Variants in DNAI4 observed in about 807,000 individuals in gnomAD.
DNAI4 encodes the protein WD repeat domain 78.
In DNAI4, 85 loss-of-function variants were observed where a neutral mutation model predicts 105.8. The observed-to-expected ratio is 0.80, with a 90% confidence interval of 0.67 to 0.96. The LOEUF is 0.96. Among genes scored for constraint, DNAI4 ranks in the 40% least tolerant of loss-of-function variants. The pLI is 0.00. For synonymous variants in DNAI4, 352 were observed against 331.5 expected, an observed-to-expected ratio of 1.06 and a Z score of -0.67; for missense variants, 1,014 against 1,005.6, an observed-to-expected ratio of 1.01 and a Z score of -0.11.
At chr1:66,900,398 G>A (rs1368000082) in intron 2 of DNAI4, among the ~76,000 whole-genome samples, 1 of 152,096 alleles carries the variant, frequency 6.6e-6, no homozygotes, top group Non-Finnish European at 1.5e-5. Flanking sequence ...ACCGCGCCTG[G>A]CCCCATATGA....
intron 13 of DNAI4, among the ~76,000 whole-genome samples, chr1:66,830,504 C>A (rs938389555): frequency 6.6e-6 from 1 of 151,682 alleles, no homozygotes; most frequent in Non-Finnish European, 1.5e-5. Flanking sequence ...AGGCCAGGCG[C>A]GGTGGCCGAA....
Position 66,837,750 on chromosome 1 carries a change from T to C in DNAI4, c.1541A>G (p.Lys514Arg). Residue 514 changes from lysine (K) to arginine (R), a missense_variant, in exon 10 of 17, where the codon AAA becomes AGA. Physicochemically the swap from Lys to Arg is conservative, Grantham distance 26. Coordinates refer to ENST00000371026, the MANE Select transcript of DNAI4 (RefSeq NM_024763.5). ...TGACCAGCAGCAAGCCAGTCCTCTT[T>C]TTTGCTCTTTAAATCCAAAGTGCCC... ...GYGHFGFKEQKRGLACCWSIK... is the reference protein window; with the variant it reads ...GYGHFGFKEQRRGLACCWSIK... 1 of 1,610,002 alleles carries C rather than the reference T, an allele frequency of 6.2e-7. No homozygotes were observed. The highest frequency in any genetic ancestry group is 8.5e-7 in the Non-Finnish European group (1 of 1,178,610).
At chr1:66,820,880 C>T (rs977404448) in intron 16 of DNAI4, among the ~76,000 whole-genome samples, 1 of 151,938 alleles carries the variant, frequency 6.6e-6, no homozygotes, top group Admixed American at 6.6e-5. Flanking sequence ...TACATGTGAC[C>T]CAGATCTAAT....
chr1:66,923,357 A>G (rs1421451298), intron 1 of DNAI4, among the ~76,000 whole-genome samples: 1 of 152,218 alleles, frequency 6.6e-6, no homozygotes, highest in Non-Finnish European at 1.5e-5. Flanking sequence ...ACACTAGAAG[A>G]TATTTGCAAA....
intron 15 of DNAI4, among the ~76,000 whole-genome samples, chr1:66,823,801 G>A (rs566973719): frequency 1.3e-5 from 2 of 150,394 alleles, no homozygotes; most frequent in East Asian, 1.9e-4. Context: ...TGTAGATTCC[G>A]GATATTAGCC....
chr1:66,869,029 A>G (rs1435318876), intron 6 of DNAI4, among the ~76,000 whole-genome samples: 1 of 151,652 alleles, frequency 6.6e-6, no homozygotes, highest in Non-Finnish European at 1.5e-5. Context: ...AGCCGAGATT[A>G]TACCACTGCA....
At chr1:66,851,445 C>T (rs1392068880) in intron 7 of DNAI4, among the ~76,000 whole-genome samples, 1 of 151,780 alleles carries the variant, frequency 6.6e-6, no homozygotes, top group African/African-American at 2.4e-5. Flanking sequence ...ACATCATCAA[C>T]TAAAAAGATG....
intron 16 of DNAI4, among the ~76,000 whole-genome samples, chr1:66,819,770 T>G (rs568882631): frequency 7.9e-5 from 12 of 152,114 alleles, no homozygotes; most frequent in African/African-American, 2.7e-4. Context: ...CACCACTATC[T>G]CCAACACACA....
chr1:66,875,293 A>G (rs1646937623), intron 4 of DNAI4, among the ~76,000 whole-genome samples: 1 of 152,308 alleles, frequency 6.6e-6, no homozygotes. Context: ...GGGCATAATA[A>G]GCAACACTTC....
In DNAI4 at chr1:66,893,067, A is replaced by AAGAAAAAG. The variant is rs1557965391; in HGVS notation, c.530+161_530+162insCTTTTTCT. On this transcript the variant is annotated intron_variant, in intron 3 of 16. Coordinates refer to ENST00000371026, the MANE Select transcript of DNAI4 (RefSeq NM_024763.5). ...AGAAAGAAAGAAAGAGAGAGAGAGA[A>AAGAAAAAG]AGAAAGAAAGAAAGAAAGAAAGAAA... 4.4e-4 allele frequency among the ~76,000 whole-genome samples: 42 copies of AAGAAAAAG among 94,606 alleles called. 1 individual carries two copies. The highest frequency in any genetic ancestry group is 8.9e-4 in the African/African-American group (21 of 23,596). The allele number at this position is 94,606 out of a possible 152,430, so 62.1% of individuals were successfully genotyped here.
chr1:66,847,802 T>G (rs914393241), intron 7 of DNAI4, 124 bp from the exon 8 acceptor site: 1 of 756,388 alleles, frequency 1.3e-6, no homozygotes, highest in African/African-American at 1.8e-5. Context: ...ACAACTTTAA[T>G]AGACATTTAT....
intron 16 of DNAI4, among the ~76,000 whole-genome samples, chr1:66,814,553 A>G (rs1156896860): frequency 6.6e-6 from 1 of 152,146 alleles, no homozygotes; most frequent in Admixed American, 6.5e-5. Flanking sequence ...TATTTTTAGT[A>G]GAGATACGGT....
At chr1:66,885,054 A>G (rs572746419) in intron 4 of DNAI4, among the ~76,000 whole-genome samples, 2 of 152,238 alleles carry the variant, frequency 1.3e-5, no homozygotes, top group East Asian at 3.9e-4. Context: ...CATTGAGTTC[A>G]AATTATTTGT....
chr1:66,923,962 T>A (rs1650839479), intron 1 of DNAI4, among the ~76,000 whole-genome samples: 1 of 152,118 alleles, frequency 6.6e-6, no homozygotes, highest in South Asian at 2.1e-4. Context: ...TAAAGTAAGA[T>A]GGTATTGACG....
At chr1:66,842,388 G>GTTTGT (rs1490270675) in intron 8 of DNAI4, among the ~76,000 whole-genome samples, 5 of 151,976 alleles carry the variant, frequency 3.3e-5, no homozygotes, top group African/African-American at 9.7e-5. Context: ...TTTTTTGTTT[G>GTTTGT]TTTGTTTTGT....
intron 1 of DNAI4, chr1:66,907,083 T>C (rs1649312534): frequency 6.6e-6 from 1 of 152,224 alleles, no homozygotes; most frequent in South Asian, 2.1e-4. Context: ...TATGTCTTCC[T>C]CTACCTATTA....
Position 66,813,468 on chromosome 1 carries a change from G to T in DNAI4, c.*662C>A, listed in dbSNP as rs1001393972. ...AAGTCTGGGCTTAAAATCCAGAGCT[G>T]ATTCTGGGCAAACAGAGAAGAGTAC... On this transcript the variant is annotated 3_prime_UTR_variant, in exon 17 of 17. Coordinates refer to ENST00000371026, the MANE Select transcript of DNAI4 (RefSeq NM_024763.5). 2.0e-5 allele frequency: 3 copies of T among 152,338 alleles called. No individual in the cohort carries two copies. Among genetic ancestry groups the T allele is most frequent in the African/African-American group, 7.2e-5 (3 of 41,448 alleles). 9.4% of individuals were successfully genotyped at this position (152,338 alleles called of 1,614,324 possible). A position where few individuals can be genotyped will look rare whatever the true frequency, so the allele number is the denominator to read the frequency against.
chr1:66,909,487 C>G (rs1039817906), intron 1 of DNAI4, among the ~76,000 whole-genome samples: 1 of 143,860 alleles, frequency 7.0e-6, no homozygotes, highest in Non-Finnish European at 1.5e-5. Context: ...ATTCTTTTCT[C>G]TTTTTTTTTT....
In DNAI4 at chr1:66,835,792, A is replaced by G. The variant is rs1645973312; in HGVS notation, c.1582-15T>C. 2 of 1,612,438 alleles carry G rather than the reference A, an allele frequency of 1.2e-6. No individual in the cohort carries two copies. The highest frequency in any genetic ancestry group is 1.7e-6 in the Non-Finnish European group (2 of 1,179,168). ...CGTTCTGGCCACTAAATTTTAAAAA[A>G]TTACATTTTCAATTTGTTTTTGTAG... On this transcript the variant is annotated splice_polypyrimidine_tract_variant and intron_variant, in intron 10 of 16. Coordinates refer to ENST00000371026, the MANE Select transcript of DNAI4 (RefSeq NM_024763.5).
Sources: allele counts gnomAD v4.1 joint callset (sites outside exome capture counted in the v4.1 genomes callset), GRCh38; gene constraint gnomAD v4.1.1; transcripts MANE v1.5; gene names NCBI Gene and HGNC (gene_info 2026-07-23, HGNC 2026-07-21).